The following C12orf54 variants were observed in gnomAD, a reference collection of about 807,000 sequenced individuals.
The protein encoded by C12orf54 is chromosome 12 open reading frame 54.
Under a neutral mutation model 26.4 loss-of-function variants are expected in C12orf54, and 24 were observed. That is an observed-to-expected ratio of 0.91 (90% confidence interval 0.66 to 1.28). The LOEUF is 1.28. C12orf54 is among the 50% of genes most tolerant of loss of function. The probability of loss-of-function intolerance (pLI) is 0.00; values close to 1 mark genes in which losing one functional copy is unlikely to be tolerated. For synonymous variants in C12orf54, 54 were observed against 47.0 expected (o/e 1.15, Z -0.61); for missense variants, 154 against 150.9 (o/e 1.02, Z -0.11).
the C12orf54 span, chr12:48,472,655 A>C: frequency 6.2e-7 from 1 of 1,614,046 alleles, no homozygotes; most frequent in East Asian, 2.2e-5. Flanking sequence ...CTGCAGAGAA[A>C]GCGTGAGAGA....
the C12orf54 span, among the ~76,000 whole-genome samples, chr12:48,417,616 G>A: frequency 6.6e-6 from 1 of 152,128 alleles, no homozygotes; most frequent in Non-Finnish European, 1.5e-5. Flanking sequence ...AGAGGTAAAT[G>A]TGCAGGTTTC....
the C12orf54 span, among the ~76,000 whole-genome samples, chr12:48,450,098 C>A: frequency 1.3e-5 from 2 of 152,284 alleles, no homozygotes. Flanking sequence ...TCTTTATCAG[C>A]AGCATGAAAA....
chr12:48,433,905 G>C, the C12orf54 span, among the ~76,000 whole-genome samples: 1 of 152,162 alleles, frequency 6.6e-6, no homozygotes, highest in Non-Finnish European at 1.5e-5. Context: ...AGGCTTGTTG[G>C]ACAGTGGGTG....
chr12:48,488,128 T>C, intron 4 of C12orf54: 1 of 797,412 alleles, frequency 1.3e-6, no homozygotes, highest in South Asian at 1.3e-5. Flanking sequence ...AAGGAACAGT[T>C]TGCCTGGAGA....
chr12:48,456,582 G>A, the C12orf54 span, among the ~76,000 whole-genome samples: 2 of 152,148 alleles, frequency 1.3e-5, no homozygotes, highest in South Asian at 2.1e-4. Flanking sequence ...CTCGCCTGCC[G>A]TGACCTTGGG....
At chr12:48,435,415 A>G in the C12orf54 span, among the ~76,000 whole-genome samples, 1 of 152,236 alleles carries the variant, frequency 6.6e-6, no homozygotes, top group African/African-American at 2.4e-5. Context: ...AGAGAATGCC[A>G]CAAAGATACT....
the C12orf54 span, among the ~76,000 whole-genome samples, chr12:48,440,215 A>G: frequency 6.6e-6 from 1 of 151,050 alleles, no homozygotes; most frequent in African/African-American, 2.4e-5. Flanking sequence ...ACAGAGTGAG[A>G]CTCCATCTCA....
the C12orf54 span, among the ~76,000 whole-genome samples, chr12:48,455,497 G>C: frequency 6.6e-6 from 1 of 152,184 alleles, no homozygotes; most frequent in East Asian, 1.9e-4. Context: ...TGCAGACAGA[G>C]TTGTTACAGA....
the C12orf54 span, among the ~76,000 whole-genome samples, chr12:48,439,743 G>C: frequency 1.3e-5 from 2 of 152,096 alleles, no homozygotes; most frequent in African/African-American, 4.8e-5. Flanking sequence ...ACCGGGGCCT[G>C]TTGTGGGGTG....
At chr12:48,467,850 TG>T in the C12orf54 span, among the ~76,000 whole-genome samples, 1 of 152,056 alleles carries the variant, frequency 6.6e-6, no homozygotes, top group Non-Finnish European at 1.5e-5. Context: ...AGTCTTTTGT[TG>T]GGGGGCCATG....
the C12orf54 span, among the ~76,000 whole-genome samples, chr12:48,424,927 G>A: frequency 3.3e-5 from 5 of 152,032 alleles, no homozygotes; most frequent in Non-Finnish European, 7.4e-5. Flanking sequence ...GTGGGAGGAG[G>A]AAACAATCTG....
At chr12:48,494,739 G>A (rs1262367670) in intron 7 of C12orf54, 59 bp from the exon 8 acceptor site, 1 of 1,556,648 alleles carries the variant, frequency 6.4e-7, no homozygotes, top group Non-Finnish European at 8.8e-7. Flanking sequence ...GCCAGGAAGG[G>A]AACTGAAAGG....
the C12orf54 span, among the ~76,000 whole-genome samples, chr12:48,430,120 G>T: frequency 6.6e-6 from 1 of 151,934 alleles, no homozygotes; most frequent in Admixed American, 6.6e-5. Flanking sequence ...CATGAAACTG[G>T]ATCCTCATCT....
At chr12:48,415,770 G>T in the C12orf54 span, among the ~76,000 whole-genome samples, 1 of 152,032 alleles carries the variant, frequency 6.6e-6, no homozygotes, top group Non-Finnish European at 1.5e-5. Flanking sequence ...CTGACCATTT[G>T]ACCATTTTCT....
At chr12:48,493,903 C>T (rs1279466718) in intron 7 of C12orf54, among the ~76,000 whole-genome samples, 1 of 144,288 alleles carries the variant, frequency 6.9e-6, no homozygotes, top group Non-Finnish European at 1.5e-5. Context: ...CTTCAGAGGG[C>T]TTTAAAGATA....
intron 6 of C12orf54, 152 bp from the exon 7 acceptor site, chr12:48,492,795 C>T (rs1937819623): frequency 7.8e-6 from 5 of 643,578 alleles, no homozygotes; most frequent in Non-Finnish European, 1.4e-5. Context: ...TCTGCAACTG[C>T]CTCTCTGATG....
At chr12:48,479,915 C>T (rs1592196587), upstream of C12orf54, among the ~76,000 whole-genome samples, 1 of 151,978 alleles carries the variant, frequency 6.6e-6, no homozygotes, top group East Asian at 1.9e-4. Flanking sequence ...TCCAACAGGC[C>T]ATTGATCTTT....
At chr12:48,431,101 G>A in the C12orf54 span, among the ~76,000 whole-genome samples, 27 of 152,210 alleles carry the variant, frequency 1.8e-4, no homozygotes, top group East Asian at 4.4e-3. Flanking sequence ...AAGCTATGAG[G>A]ATGCAAAGGC....
chr12:48,470,292 C>CTAA, the C12orf54 span, among the ~76,000 whole-genome samples: 21 of 152,202 alleles, frequency 1.4e-4, no homozygotes, highest in Non-Finnish European at 2.6e-4. Flanking sequence ...AGTGGCTGAA[C>CTAA]TAATTTACAT....
Sources: allele counts gnomAD v4.1 joint callset (sites outside exome capture counted in the v4.1 genomes callset), GRCh38; gene constraint gnomAD v4.1.1; transcripts MANE v1.5; gene names NCBI Gene and HGNC (gene_info 2026-07-23, HGNC 2026-07-21).